UTY: variants seen among roughly 807,000 people sequenced by gnomAD.
UTY encodes histone demethylase UTY.
Under a neutral mutation model 32.5 loss-of-function variants are expected in UTY, and 12 were observed. That is an observed-to-expected ratio of 0.37 (90% CI 0.24 to 0.60). The LOEUF (loss-of-function observed/expected upper bound fraction) is 0.60, where lower values mean the gene tolerates loss of function less well. Among genes scored for constraint, UTY ranks in the 20% least tolerant of loss-of-function variants. The pLI is 0.69. For synonymous variants in UTY, 131 were observed against 103.4 expected, an observed-to-expected ratio of 1.27 and a Z score of -1.62; for missense variants, 303 against 299.2, an observed-to-expected ratio of 1.01 and a Z score of -0.09.
intron 27 of UTY, among the ~76,000 whole-genome samples, chrY:13,275,576 A>G (rs2056620764): frequency 8.8e-5 from 3 of 34,104 alleles, no homozygotes; most frequent in African/African-American, 3.4e-4. Context: ...CTTATCCTTT[A>G]GCTTCAATCT....
intron 3 of UTY, among the ~76,000 whole-genome samples, chrY:13,469,217 T>TC (rs2078219478): frequency 3.3e-5 from 1 of 29,866 alleles, no homozygotes; most frequent in East Asian, 8.4e-4. Flanking sequence ...CTATTGCTTT[T>TC]TTTTTTTTTT....
chrY:13,333,178 T>C (rs2060810038), intron 18 of UTY, among the ~76,000 whole-genome samples: 1 of 33,138 alleles, frequency 3.0e-5, no homozygotes, highest in African/African-American at 1.2e-4. Flanking sequence ...TTCAATGCTG[T>C]ACCCATAAAG....
At chrY:13,282,175 C>A in intron 27 of UTY, among the ~76,000 whole-genome samples, 1 of 33,273 alleles carries the variant, frequency 3.0e-5, no homozygotes, top group Non-Finnish European at 7.4e-5. Flanking sequence ...ACTGGAAAAA[C>A]AATTATAATT....
At chrY:13,431,223 A>G (rs773202473) in intron 4 of UTY, among the ~76,000 whole-genome samples, 1 of 33,123 alleles carries the variant, frequency 3.0e-5, no homozygotes, top group African/African-American at 1.2e-4. Context: ...AATCCCAAAC[A>G]GATCCATAAA....
rs767179729 is a variant in UTY at position 13,409,054 on chromosome Y, C to G, written c.555+1939G>C. Among the ~76,000 whole-genome samples, 20 of 32,956 alleles carry G rather than the reference C, an allele frequency of 6.1e-4. No homozygotes were observed. The East Asian group carries it at 0.013, about 22-fold the overall frequency. The allele number at this position is 32,956 out of a possible 37,273, so 88.4% of individuals were successfully genotyped here. On this transcript the variant is annotated intron_variant, in intron 6 of 29. Transcript: ENST00000545955. Reference sequence around the variant, plus strand: ...TTAATATGGTCTGAGAAAATTTTACCATATTTATTTTCTGCTGTAAAACAT... The same window carrying G: ...TTAATATGGTCTGAGAAAATTTTACGATATTTATTTTCTGCTGTAAAACAT...
chrY:13,437,003 C>CAT (rs2074649674), intron 4 of UTY, among the ~76,000 whole-genome samples: 9 of 31,329 alleles, frequency 2.9e-4, no homozygotes, highest in African/African-American at 7.6e-4. Context: ...CACACACACA[C>CAT]ATCTTACAGG....
chrY:13,452,608 CAAAAT>C (rs2076412606), intron 3 of UTY, among the ~76,000 whole-genome samples: 5 of 33,650 alleles, frequency 1.5e-4, no homozygotes, highest in African/African-American at 5.8e-4. Context: ...ATGAAATACT[CAAAAT>C]AAAGAGCTCA....
At chrY:13,279,943 A>G (rs1489038049) in intron 27 of UTY, among the ~76,000 whole-genome samples, 1 of 34,359 alleles carries the variant, frequency 2.9e-5, no homozygotes, top group Non-Finnish European at 7.3e-5. Context: ...AATGCATCAG[A>G]GATTTCTAAT....
At chrY:13,453,543 C>T in intron 3 of UTY, among the ~76,000 whole-genome samples, 3 of 33,567 alleles carry the variant, frequency 8.9e-5, no homozygotes, top group African/African-American at 3.5e-4. Context: ...ACTTTATTTT[C>T]GAGAATATAC....
chrY:13,245,625 T>C (rs764777536), downstream of UTY, among the ~76,000 whole-genome samples: 4 of 34,392 alleles, frequency 1.2e-4, no homozygotes, highest in Non-Finnish European at 2.2e-4. Context: ...TTCCACAAAA[T>C]GAAAATTCCA....
intron 8 of UTY, 92 bp downstream of exon 8, chrY:13,393,767 T>C: frequency 1.4e-5 from 3 of 216,843 alleles, no homozygotes; most frequent in African/African-American, 8.1e-5. Context: ...AATATATTTA[T>C]TTCATTTAAA....
At chrY:13,466,106 A>G (rs2077893418) in intron 3 of UTY, among the ~76,000 whole-genome samples, 1 of 33,571 alleles carries the variant, frequency 3.0e-5, no homozygotes, top group African/African-American at 1.2e-4. Flanking sequence ...TCCACATTAC[A>G]GATTAAGAAA....
At chrY:13,478,294 C>G in intron 2 of UTY, among the ~76,000 whole-genome samples, 2 of 33,337 alleles carry the variant, frequency 6.0e-5, no homozygotes, top group Non-Finnish European at 1.5e-4. Context: ...ACGATACACA[C>G]AGGAATATTC....
chrY:13,369,586 C>G (rs758165088), intron 8 of UTY, among the ~76,000 whole-genome samples: 1 of 33,097 alleles, frequency 3.0e-5, no homozygotes, highest in Admixed American at 2.8e-4. Flanking sequence ...TAAGAAGTTT[C>G]TAGTACCATA....
At chrY:13,385,157 T>C (rs2066566399) in intron 8 of UTY, among the ~76,000 whole-genome samples, 1 of 33,859 alleles carries the variant, frequency 3.0e-5, no homozygotes, top group Non-Finnish European at 7.3e-5. Flanking sequence ...CTGTTTCTTA[T>C]ATACCAGCAA....
chrY:13,282,449 TAAAA>T (rs2057069842), intron 27 of UTY, among the ~76,000 whole-genome samples: 1 of 33,365 alleles, frequency 3.0e-5, no homozygotes, highest in Non-Finnish European at 7.4e-5. Flanking sequence ...ACCCAGTAGT[TAAAA>T]ATCAACTCAT....
At chrY:13,268,667 T>C (rs2056050958) in intron 27 of UTY, among the ~76,000 whole-genome samples, 1 of 33,858 alleles carries the variant, frequency 3.0e-5, no homozygotes, top group Non-Finnish European at 7.3e-5. Context: ...CACTGATTTA[T>C]CTAATTTTGA....
chrY:13,451,782 T>C, intron 3 of UTY, among the ~76,000 whole-genome samples: 2 of 33,612 alleles, frequency 6.0e-5, no homozygotes, highest in African/African-American at 2.3e-4. Flanking sequence ...GAAAAGAATT[T>C]ATCTGATGGC....
At chrY:13,469,588 GTATTCCTT>G (rs2078280876) in intron 3 of UTY, among the ~76,000 whole-genome samples, 1 of 33,084 alleles carries the variant, frequency 3.0e-5, no homozygotes. Context: ...CTCAAGAGAT[GTATTCCTT>G]TATTCCTTTA....
Sources: gnomAD v4.1 joint callset for allele counts (sites outside exome capture counted in the v4.1 genomes callset) on GRCh38, gnomAD v4.1.1 for gene constraint, MANE v1.5 for transcripts, NCBI Gene and HGNC (gene_info 2026-07-23, HGNC 2026-07-21) for gene names.